The following MTO1 variants were observed in gnomAD, a reference collection of about 807,000 sequenced individuals.
The protein encoded by MTO1 is mitochondrial tRNA translation optimization 1.
A neutral mutation model predicts 71.6 loss-of-function variants in MTO1; 46 were observed. That is an observed-to-expected ratio of 0.64 (90% CI 0.51 to 0.82). The LOEUF (loss-of-function observed/expected upper bound fraction) is 0.82. Among genes scored for constraint, MTO1 ranks in the 40% least tolerant of loss-of-function variants. MTO1 has a pLI of 0.00. For synonymous variants in MTO1, 297 were observed against 312.1 expected (o/e 0.95, Z 0.51); for missense variants, 773 against 867.5 (o/e 0.89, Z 1.37).
chr6:73,494,285 T>C (rs1053017330), intron 10 of MTO1, among the ~76,000 whole-genome samples: 5 of 151,954 alleles, frequency 3.3e-5, no homozygotes, highest in Admixed American at 6.6e-5. Context: ...TTCTGCATTT[T>C]GATAGAAGGT....
chr6:73,463,598 C>A (rs978572371), intron 1 of MTO1, among the ~76,000 whole-genome samples: 2 of 151,998 alleles, frequency 1.3e-5, no homozygotes, highest in African/African-American at 4.8e-5. Context: ...TCCTGAAATT[C>A]TTCTTTAAAA....
intron 1 of MTO1, among the ~76,000 whole-genome samples, chr6:73,464,835 CAAAAAAAAAAAAA>C (rs70996805): frequency 1.4e-4 from 4 of 28,354 alleles, no homozygotes; most frequent in African/African-American, 1.4e-4. Context: ...AACTCTGTCT[CAAAAAAAAAAAAA>C]AAAAAAAAAA....
At chr6:73,496,587 A>G (rs1204327758) in intron 10 of MTO1, among the ~76,000 whole-genome samples, 1 of 150,388 alleles carries the variant, frequency 6.6e-6, no homozygotes, top group Non-Finnish European at 1.5e-5. Flanking sequence ...GCACCCATTA[A>G]CTCATCATTT....
In MTO1 at chr6:73,462,387, T is replaced by G. The variant is rs1770850870; in HGVS notation, c.217+316T>G. The G allele has an allele frequency of 9.3e-6, 4 of 428,650 alleles. No homozygotes were observed. In the South Asian group the frequency reaches 1.3e-4, roughly 14 times the overall value. The allele number at this position is 428,650 out of a possible 1,614,324, so 26.6% of individuals were successfully genotyped here. A position where few individuals can be genotyped will look rare whatever the true frequency, so the allele number is the denominator to read the frequency against. On this transcript the variant is annotated intron_variant, in intron 1 of 11. Transcript: ENST00000498286. ...GTAGCTTCTTAGTTCATTGCTGCGT[T>G]TACCTTCTACTATGTTACTCCAGAT...
intron 9 of MTO1, among the ~76,000 whole-genome samples, chr6:73,483,938 C>T (rs770406486): frequency 6.6e-6 from 1 of 151,810 alleles, no homozygotes; most frequent in Non-Finnish European, 1.5e-5. Flanking sequence ...ACCACCACAC[C>T]CGGCTAATTT....
rs1772310521 is a variant in MTO1 at position 73,507,081 on chromosome 6, C to G, written c.*6346C>G. 1 of 151,682 alleles carries G rather than the reference C, an allele frequency of 6.6e-6. No homozygotes were observed. Among genetic ancestry groups the G allele is most frequent in the South Asian group, 2.1e-4 (1 of 4,810 alleles). 9.4% of individuals were successfully genotyped at this position (151,682 alleles called of 1,614,324 possible). On this transcript the variant is annotated 3_prime_UTR_variant, in exon 12 of 12. Transcript: ENST00000498286. ...GAGTATGTCTTACAATTAATGGCAT[C>G]TGACAGTTATAACTGGCAGCATTTG...
chr6:73,473,568 T>C lies in MTO1; in HGVS notation c.739T>C (p.Ser247Pro). 1.2e-6 allele frequency: 2 copies of C among 1,613,802 alleles called. No individual in the cohort carries two copies. The change falls in exon 4 of 12, where the codon TCC (serine) becomes CCC (proline). Residue 247 changes from serine (S) to proline (P), a missense_variant. Ser to Pro is a moderately conservative substitution (Grantham distance 74). Transcript: ENST00000498286. ...TGTPPRIAKE[S>P]INFSILNKHI... ...GACTCCACCCCGAATTGCCAAAGAG[T>C]CCATTAATTTCAGTATTCTAAACAA...
Position 73,480,024 on chromosome 6 carries a change from C to G in MTO1, c.1027C>G (p.Leu343Val). Residue 343 changes from leucine (L) to valine (V), a missense_variant, in exon 6 of 12, where the codon CTT (leucine) becomes GTT (valine). Transcript: ENST00000498286. ...GGAACCTGAAGGAATGGATTCTGAC[C>G]TTATCTACCCACAGGGGTTATCTAT... ...WLEPEGMDSD[L>V]IYPQGLSMTL... is the part of the protein sequence containing the mutation. The G allele has an allele frequency of 6.2e-7, 1 of 1,614,110 alleles. No homozygotes were observed. The highest frequency in any genetic ancestry group is 1.1e-5 in the South Asian group (1 of 91,078).
chr6:73,477,246 A>C (rs1771351587), intron 4 of MTO1, among the ~76,000 whole-genome samples: 1 of 150,872 alleles, frequency 6.6e-6, no homozygotes, highest in Non-Finnish European at 1.5e-5. Context: ...AAATACAAAA[A>C]TTAGCTGGGC....
chr6:73,462,210 A>C, intron 1 of MTO1, 139 bp downstream of exon 1: 2 of 918,640 alleles, frequency 2.2e-6, no homozygotes, highest in Non-Finnish European at 3.3e-6. Flanking sequence ...AGCCTCGATC[A>C]GTGTCTCGCA....
intron 4 of MTO1, 67 bp downstream of exon 4, chr6:73,473,721 CT>C (rs11417913): frequency 0.045 from 37,463 of 827,292 alleles, 1 homozygote; most frequent in Admixed American, 0.059. Flanking sequence ...AGTACTGTAA[CT>C]TTTTTTTTTT....
chr6:73,489,290 T>TG (rs397723200), intron 9 of MTO1, among the ~76,000 whole-genome samples: 1 of 151,270 alleles, frequency 6.6e-6, no homozygotes, highest in Non-Finnish European at 1.5e-5. Context: ...TTTTTTTTTT[T>TG]GTATATTATT....
At chr6:73,468,904 G>A (rs993354864) in intron 3 of MTO1, among the ~76,000 whole-genome samples, 1 of 151,918 alleles carries the variant, frequency 6.6e-6, no homozygotes, top group African/African-American at 2.4e-5. Context: ...CACCACACCT[G>A]GCCTTCTCCA....
chr6:73,482,709 T>C (rs1582687929), intron 9 of MTO1, 89 bp downstream of exon 9: 1 of 1,038,314 alleles, frequency 9.6e-7, no homozygotes, highest in East Asian at 2.6e-5. Context: ...TATGTGTTCC[T>C]ACCTACACAT....
At chr6:73,476,790 A>ATTT (rs879559677) in intron 4 of MTO1, among the ~76,000 whole-genome samples, 1 of 142,892 alleles carries the variant, frequency 7.0e-6, no homozygotes, top group African/African-American at 2.6e-5. Context: ...TAAAATTTAA[A>ATTT]TTTTTTTTTT....
At chr6:73,463,449 A>G (rs1177488215) in intron 1 of MTO1, among the ~76,000 whole-genome samples, 3 of 152,168 alleles carry the variant, frequency 2.0e-5, no homozygotes, top group Non-Finnish European at 4.4e-5. Flanking sequence ...GTTCTGTAGC[A>G]TCATGATAGA....
chr6:73,485,733 G>C (rs1295799806), intron 9 of MTO1, among the ~76,000 whole-genome samples: 1 of 151,972 alleles, frequency 6.6e-6, no homozygotes, highest in Non-Finnish European at 1.5e-5. Flanking sequence ...GAGTCACTGT[G>C]CCTGGCCTTA....
chr6:73,463,896 C>T (rs190843071), intron 1 of MTO1, among the ~76,000 whole-genome samples: 72 of 152,100 alleles, frequency 4.7e-4, no homozygotes, highest in Non-Finnish European at 9.4e-4. Context: ...TCTGCCACCA[C>T]GCCCAGCTAA....
rs769059204 is a variant in MTO1, at chr6:73,461,951, C to G, written c.97C>G (p.Arg33Gly). ...GTTGAGCAGTGACAGCGCGGCGCCC[C>G]GGACTCCGCACTTCGACGTGATAGT... ...ARLSSDSAAPRTPHFDVIVIG... is the reference protein window; with the variant it reads ...ARLSSDSAAPGTPHFDVIVIG... The change falls in exon 1 of 12, where the codon CGG becomes GGG. Residue 33 changes from arginine to glycine, a missense_variant. Coordinates refer to ENST00000498286, the MANE Select transcript of MTO1 (RefSeq NM_012123.4). 8 of 1,614,240 alleles carry G rather than the reference C, an allele frequency of 5.0e-6. No homozygotes were observed. The highest frequency in any genetic ancestry group is 1.1e-5 in the South Asian group (1 of 91,086).
Sources: gnomAD v4.1 joint callset for allele counts (sites outside exome capture counted in the v4.1 genomes callset) on GRCh38, gnomAD v4.1.1 for gene constraint, MANE v1.5 for transcripts, NCBI Gene and HGNC (gene_info 2026-07-23, HGNC 2026-07-21) for gene names.